Variants in CSMD2 observed in about 807,000 individuals in gnomAD.
CSMD2 encodes the protein CUB and sushi domain-containing protein 2.
CSMD2 carries 130 observed loss-of-function variants against 398.5 expected under a neutral mutation model. That is an observed-to-expected ratio of 0.33 (90% CI 0.28 to 0.38). The LOEUF (loss-of-function observed/expected upper bound fraction) is 0.38, where lower values mean the gene tolerates loss of function less well. Ranked by LOEUF, CSMD2 falls within the 10% of genes least tolerant of loss-of-function variation. CSMD2 has a pLI of 1.00. For missense variants in CSMD2, 3,829 were observed against 4,764.9 expected (o/e 0.80, Z 5.78); for synonymous variants, 1,828 against 1,908.5 (o/e 0.96, Z 1.10).
At chr1:33,560,344 T>C (rs982786981) in intron 53 of CSMD2, among the ~76,000 whole-genome samples, 1 of 152,216 alleles carries the variant, frequency 6.6e-6, no homozygotes, top group Non-Finnish European at 1.5e-5. Flanking sequence ...TTTTACTATT[T>C]TGTTCAGACA....
intron 26 of CSMD2, 21 bp from the exon 27 acceptor site, chr1:33,658,158 A>C: frequency 6.2e-7 from 1 of 1,606,068 alleles, no homozygotes; most frequent in Non-Finnish European, 8.5e-7. Flanking sequence ...GAAATAGAAG[A>C]GAGGGTAAGG....
At chr1:33,946,505 T>C (rs1392434667) in intron 3 of CSMD2, among the ~76,000 whole-genome samples, 1 of 152,174 alleles carries the variant, frequency 6.6e-6, no homozygotes, top group East Asian at 1.9e-4. Flanking sequence ...TAGTAACTTG[T>C]GGTGGTAAAA....
chr1:34,048,344 C>T (rs1652785614), intron 2 of CSMD2, among the ~76,000 whole-genome samples: 1 of 152,314 alleles, frequency 6.6e-6, no homozygotes, highest in South Asian at 2.1e-4. Context: ...TTTGGACCAC[C>T]CCAGGAGGTT....
At chr1:33,626,136 C>A (rs997425211) in intron 33 of CSMD2, among the ~76,000 whole-genome samples, 1 of 152,192 alleles carries the variant, frequency 6.6e-6, no homozygotes, top group Non-Finnish European at 1.5e-5. Flanking sequence ...CTGTGCCTGG[C>A]AGACAAAACC....
intron 47 of CSMD2, 140 bp from the exon 48 acceptor site, chr1:33,581,039 C>A: frequency 1.3e-6 from 1 of 764,464 alleles, no homozygotes; most frequent in Admixed American, 2.9e-5. Flanking sequence ...CTCTCTGCAT[C>A]CACAGGCATT....
chr1:34,010,646 T>A (rs59038937), intron 3 of CSMD2, among the ~76,000 whole-genome samples: 4,505 of 151,572 alleles, frequency 0.03, 215 homozygotes, highest in African/African-American at 0.1. Flanking sequence ...TGTGACGGAG[T>A]CTCGCTCTGT....
chr1:33,803,058 T>A (rs964745254), intron 10 of CSMD2, among the ~76,000 whole-genome samples: 1 of 152,170 alleles, frequency 6.6e-6, no homozygotes, highest in Non-Finnish European at 1.5e-5. Context: ...CCAAAGCCAA[T>A]GGTCTCCTTC....
chr1:33,861,909 A>C (rs1639545493), intron 5 of CSMD2, among the ~76,000 whole-genome samples: 1 of 150,526 alleles, frequency 6.6e-6, no homozygotes, highest in Non-Finnish European at 1.5e-5. Flanking sequence ...ATCCAGGAGA[A>C]TAAATGCCTT....
intron 2 of CSMD2, among the ~76,000 whole-genome samples, chr1:34,040,364 T>G (rs1651711193): frequency 6.6e-6 from 1 of 152,214 alleles, no homozygotes; most frequent in African/African-American, 2.4e-5. Context: ...TAAAAAACCA[T>G]GATTAGTACA....
Position 33,624,970 on chromosome 1 carries a change from C to A in CSMD2, c.5500+81G>T. On this transcript the variant is annotated intron_variant, in intron 34 of 70. Coordinates refer to ENST00000373381, the MANE Select transcript of CSMD2 (RefSeq NM_001281956.2). This position sits in a 1 kb window ranked among gnomAD's most constrained non-coding sequence, Gnocchi z 4.7. ...GGCTGCTGTGTGTCGTGGGGCATCA[C>A]TGGGGCTGACTGCCTCCCCTACAGA... is the stretch of plus-strand genomic sequence containing the variant. The A allele has an allele frequency of 7.1e-7, 1 of 1,413,828 alleles. No individual in the cohort carries two copies. Among genetic ancestry groups the A allele is most frequent in the Non-Finnish European group, 9.9e-7 (1 of 1,005,850 alleles). The allele number at this position is 1,413,828 out of a possible 1,614,324, so 87.6% of individuals were successfully genotyped here. A position where few individuals can be genotyped will look rare whatever the true frequency, so the allele number is the denominator to read the frequency against.
At position 33,625,491 on chromosome 1, in the gene CSMD2, C is replaced by T. The variant is rs568497086; in HGVS notation, c.5297-237G>A. On this transcript the variant is annotated intron_variant, in intron 33 of 70. Coordinates refer to ENST00000373381, the MANE Select transcript of CSMD2 (RefSeq NM_001281956.2). ...AAAGCACGGGAGGTAGAGCCGTGGA[C>T]CTCCCACAGACCTTAGGCCCAGTTT... 5.3e-5 allele frequency among the ~76,000 whole-genome samples: 8 copies of T among 152,278 alleles called. No individual in the cohort carries two copies. In the South Asian group the frequency reaches 1.7e-3, roughly 32 times the overall value.
chr1:33,960,034 G>A (rs116267378), intron 3 of CSMD2, among the ~76,000 whole-genome samples: 15 of 152,236 alleles, frequency 9.9e-5, no homozygotes, highest in African/African-American at 2.6e-4. Context: ...TGATCCCCAC[G>A]TGACAGAAGC....
intron 44 of CSMD2, among the ~76,000 whole-genome samples, chr1:33,591,292 T>C (rs1639437213): frequency 6.6e-6 from 1 of 152,176 alleles, no homozygotes; most frequent in South Asian, 2.1e-4. Context: ...TCGGCCTCAT[T>C]TGCAGCCTTT....
intron 3 of CSMD2, among the ~76,000 whole-genome samples, chr1:33,985,551 C>T (rs1373521279): frequency 1.3e-5 from 2 of 152,150 alleles, no homozygotes; most frequent in South Asian, 2.1e-4. Flanking sequence ...CCAGTGGAGT[C>T]GAAACGTACC....
chr1:33,681,261 T>A (rs1192621655), intron 25 of CSMD2, among the ~76,000 whole-genome samples: 3 of 152,160 alleles, frequency 2.0e-5, no homozygotes, highest in African/African-American at 7.2e-5. Flanking sequence ...TTCTTGCTTT[T>A]TTGGGTAATA....
rs1042017515 is a variant in CSMD2, at chr1:33,836,358, C to T, written c.1033+10526G>A. ...CTGCCCGCTCTCAGATCTTGAGCTG[C>T]GTGCTGGGAGAACCACTACTCTCTT... On this transcript the variant is annotated intron_variant, in intron 6 of 70. Coordinates refer to ENST00000373381, the MANE Select transcript of CSMD2 (RefSeq NM_001281956.2). 5.3e-5 allele frequency among the ~76,000 whole-genome samples: 8 copies of T among 152,306 alleles called. 1 individual carries two copies. Among genetic ancestry groups the T allele is most frequent in the Admixed American group, 3.3e-4 (5 of 15,300 alleles).
chr1:33,799,518 T>C (rs1242942042), intron 10 of CSMD2, among the ~76,000 whole-genome samples: 1 of 152,218 alleles, frequency 6.6e-6, no homozygotes, highest in African/African-American at 2.4e-5. Context: ...CCTTCCTCCA[T>C]TTATTTCTCC....
chr1:34,161,542 G>C (rs1237767677), intron 1 of CSMD2, among the ~76,000 whole-genome samples: 1 of 152,182 alleles, frequency 6.6e-6, no homozygotes, highest in Non-Finnish European at 1.5e-5. Flanking sequence ...GTAAAACATA[G>C]TGTCCCAGAA....
chr1:33,696,455 G>A (rs1645421921), intron 24 of CSMD2, among the ~76,000 whole-genome samples: 1 of 152,186 alleles, frequency 6.6e-6, no homozygotes, highest in South Asian at 2.1e-4. Context: ...GGGGTGGGAG[G>A]TGCCAACCTG....
Sources: gnomAD v4.1 joint callset for allele counts (sites outside exome capture counted in the v4.1 genomes callset) on GRCh38, gnomAD v4.1.1 for gene constraint, Gnocchi (gnomAD v3.1) non-coding constraint, MANE v1.5 for transcripts, NCBI Gene and HGNC (gene_info 2026-07-23, HGNC 2026-07-21) for gene names.